The following LRRFIP1 variants were observed in gnomAD, a reference collection of about 807,000 sequenced individuals.
LRRFIP1 encodes leucine-rich repeat flightless-interacting protein 1.
Under a neutral mutation model 104.4 loss-of-function variants are expected in LRRFIP1, and 62 were observed. That is an observed-to-expected ratio of 0.59 (90% CI 0.48 to 0.73). LRRFIP1 has a LOEUF of 0.73. Ranked by LOEUF, LRRFIP1 falls within the 30% of genes least tolerant of loss-of-function variation. The pLI is 0.00. For synonymous variants in LRRFIP1, 300 were observed against 299.0 expected (o/e 1.00, Z -0.03); for missense variants, 796 against 824.5 (o/e 0.97, Z 0.42).
At position 237,781,286 on chromosome 2, in the gene LRRFIP1, A is replaced by T. The variant is rs2061423125; in HGVS notation, c.*1754A>T. Among the ~76,000 whole-genome samples, 1 of 152,242 alleles carries T rather than the reference A, an allele frequency of 6.6e-6. No individual in the cohort carries two copies. ...TGACGCTTTTAGGTATTTTTCACTC[A>T]TGCAATTTTCACATATTTTCACTCA... is the stretch of plus-strand genomic sequence containing the variant. On this transcript the variant is annotated 3_prime_UTR_variant, in exon 24 of 24. Transcript: ENST00000308482.
intron 1 of LRRFIP1, chr2:237,692,555 T>C: frequency 6.7e-7 from 1 of 1,488,492 alleles, no homozygotes; most frequent in South Asian, 1.3e-5. Flanking sequence ...CTTTCTTTCG[T>C]GACTGCGGCG....
At chr2:237,678,453 C>T (rs938553939) in intron 1 of LRRFIP1, among the ~76,000 whole-genome samples, 4 of 152,096 alleles carry the variant, frequency 2.6e-5, no homozygotes, top group Non-Finnish European at 2.9e-5. Flanking sequence ...TCCCACATCC[C>T]TTGGTAAAGT....
chr2:237,763,060 A>C, intron 19 of LRRFIP1: 1 of 1,614,240 alleles, frequency 6.2e-7, no homozygotes, highest in South Asian at 1.1e-5. Flanking sequence ...GTGATGACAC[A>C]GTTTATCATG....
intron 2 of LRRFIP1, among the ~76,000 whole-genome samples, chr2:237,712,886 G>T (rs2094167947): frequency 6.6e-6 from 1 of 152,168 alleles, no homozygotes; most frequent in Non-Finnish European, 1.5e-5. Flanking sequence ...TGGTAGCTTG[G>T]GGCACTGGCA....
chr2:237,754,789 C>A (rs2059073397), intron 15 of LRRFIP1, among the ~76,000 whole-genome samples: 2 of 152,212 alleles, frequency 1.3e-5, no homozygotes, highest in Admixed American at 6.5e-5. Flanking sequence ...AGAGCACAGC[C>A]CAGCCCCCCT....
At chr2:237,634,740 T>G (rs774154376) in intron 1 of LRRFIP1, among the ~76,000 whole-genome samples, 25 of 152,218 alleles carry the variant, frequency 1.6e-4, no homozygotes, top group Admixed American at 8.5e-4. Context: ...ACTTTCTGCT[T>G]CTTCTAGAGT....
At chr2:237,633,553 T>TGTCCCCCGTGAGCCCTGCCC (rs1392957824) in intron 1 of LRRFIP1, among the ~76,000 whole-genome samples, 1 of 146,350 alleles carries the variant, frequency 6.8e-6, no homozygotes, top group Admixed American at 6.7e-5. Flanking sequence ...TAGCCCTGCC[T>TGTCCCCCGTGAGCCCTGCCC]GTCCCCCGTG....
At chr2:237,751,157 GT>G (rs1559784261) in intron 13 of LRRFIP1, 42 bp from the exon 14 acceptor site, 2 of 1,394,550 alleles carry the variant, frequency 1.4e-6, no homozygotes, top group Middle Eastern at 1.8e-4. Context: ...GGAATCACCT[GT>G]TTTCCCTTGA....
At chr2:237,690,970 T>C (rs1336587608) in intron 1 of LRRFIP1, among the ~76,000 whole-genome samples, 1 of 151,602 alleles carries the variant, frequency 6.6e-6, no homozygotes, top group Non-Finnish European at 1.5e-5. Context: ...TTCTCCCCTA[T>C]CCCTCCCAAG....
chr2:237,758,223 A>AGT (rs138141222), intron 17 of LRRFIP1, among the ~76,000 whole-genome samples: 7,442 of 149,686 alleles, frequency 0.05, 431 homozygotes, highest in African/African-American at 0.14. Flanking sequence ...AGCACTTAGG[A>AGT]GTGTGTGTGT....
chr2:237,655,009 C>T (rs1385474881), intron 1 of LRRFIP1, among the ~76,000 whole-genome samples: 2 of 151,418 alleles, frequency 1.3e-5, no homozygotes, highest in Admixed American at 1.3e-4. Context: ...GAAGGAGATC[C>T]TGTCATTTTC....
chr2:237,707,210 G>A (rs780199359), intron 1 of LRRFIP1, among the ~76,000 whole-genome samples: 4 of 151,640 alleles, frequency 2.6e-5, no homozygotes, highest in Non-Finnish European at 5.9e-5. Flanking sequence ...GGGAGAGAGG[G>A]ACGTCCCTGT....
At chr2:237,675,640 A>G (rs1401967746) in intron 1 of LRRFIP1, among the ~76,000 whole-genome samples, 1 of 152,220 alleles carries the variant, frequency 6.6e-6, no homozygotes, top group Non-Finnish European at 1.5e-5. Context: ...AAGTTATGGA[A>G]GGAAATGAAC....
chr2:237,750,726 A>G lies in LRRFIP1; in HGVS notation c.796-474A>G, dbSNP rs575568278. On this transcript the variant is annotated intron_variant, in intron 13 of 23. Transcript: ENST00000308482. The stretch of plus-strand genomic sequence containing the variant: ...GGTTGCGCGTGCCGTTCATTTGTTC[A>G]GGTACTTACTGAGAGGCTGGCTGGT... Among the ~76,000 whole-genome samples, 5 of 152,276 alleles carry G rather than the reference A, an allele frequency of 3.3e-5. No homozygotes were observed. In the East Asian group the frequency reaches 9.7e-4, roughly 29 times the overall value.
At chr2:237,744,295 G>A (rs114899585) in intron 11 of LRRFIP1, among the ~76,000 whole-genome samples, 34 of 152,340 alleles carry the variant, frequency 2.2e-4, no homozygotes, top group African/African-American at 7.9e-4. Flanking sequence ...GAAGGACCTC[G>A]CAAGGATGTT....
intron 1 of LRRFIP1, among the ~76,000 whole-genome samples, chr2:237,702,526 C>T (rs1327240288): frequency 6.6e-6 from 1 of 152,172 alleles, no homozygotes; most frequent in Non-Finnish European, 1.5e-5. Context: ...CTGCTCCATC[C>T]TAACCCCGCG....
intron 1 of LRRFIP1, among the ~76,000 whole-genome samples, chr2:237,654,554 C>CTT (rs71402730): frequency 1.7e-4 from 25 of 144,846 alleles, no homozygotes; most frequent in Non-Finnish European, 2.6e-4. Flanking sequence ...GAAAATATTC[C>CTT]TTTTTTTTTT....
intron 14 of LRRFIP1, 149 bp downstream of exon 14, chr2:237,751,420 A>G (rs77180638): frequency 0.038 from 24,847 of 645,714 alleles, 571 homozygotes; most frequent in Middle Eastern, 0.068. Flanking sequence ...GAGTGCCGGC[A>G]TGGGTGTACA....
Position 237,766,909 on chromosome 2 carries a change from G to A in LRRFIP1, c.1460-3034G>A, listed in dbSNP as rs2060282342. 2.6e-5 allele frequency among the ~76,000 whole-genome samples: 4 copies of A among 152,206 alleles called. No homozygotes were observed. On this transcript the variant is annotated intron_variant, in intron 19 of 23. Coordinates refer to ENST00000308482, the MANE Select transcript of LRRFIP1 (RefSeq NM_001137550.2). The surrounding 1 kb of genome is among the most constrained non-coding windows in gnomAD (Gnocchi z 4.8). ...GTTGAGGCCGGGCACATTGGCTCAT[G>A]CCTATAATCCCAGCACGTGGGAGGC...
Sources: allele counts gnomAD v4.1 joint callset (sites outside exome capture counted in the v4.1 genomes callset), GRCh38; gene constraint gnomAD v4.1.1; non-coding constraint Gnocchi (gnomAD v3.1); transcripts MANE v1.5; gene names NCBI Gene and HGNC (gene_info 2026-07-23, HGNC 2026-07-21).